The following KMT2C variants were observed in gnomAD, a reference collection of about 807,000 sequenced individuals.
The protein encoded by KMT2C is lysine methyltransferase 2C.
KMT2C carries 88 observed loss-of-function variants against 507.9 expected under a neutral mutation model. The ratio of observed to expected loss-of-function variants is 0.17; its 90% confidence interval spans 0.15 to 0.21. KMT2C has a LOEUF of 0.21. Ranked by LOEUF, KMT2C falls within the 10% of genes least tolerant of loss-of-function variation. KMT2C has a pLI of 1.00. For missense variants in KMT2C, 4,954 were observed against 5,957.8 expected, an observed-to-expected ratio of 0.83 and a Z score of 5.55; for synonymous variants, 2,049 against 2,080.8, an observed-to-expected ratio of 0.98 and a Z score of 0.42.
chr7:152,144,141 A>C lies in KMT2C; in HGVS notation c.14343+572T>G, dbSNP rs1316486059. ...AGTTTGACAAAGTAAGAGCTTTGTA[A>C]TTCCATTCTGAGACATCCAAGGAGA... On this transcript the variant is annotated intron_variant, in intron 55 of 58. Transcript: ENST00000262189. This position sits in a 1 kb window ranked among gnomAD's most constrained non-coding sequence, Gnocchi z 4.4. 6.6e-6 allele frequency among the ~76,000 whole-genome samples: 1 copy of C among 152,200 alleles called. No individual in the cohort carries two copies. Among genetic ancestry groups the C allele is most frequent in the African/African-American group, 2.4e-5 (1 of 41,432 alleles).
intron 1 of KMT2C, among the ~76,000 whole-genome samples, chr7:152,431,976 G>T (rs752639810): frequency 6.6e-6 from 1 of 152,162 alleles, no homozygotes; most frequent in African/African-American, 2.4e-5. Flanking sequence ...TTTGTTGGGG[G>T]AAGGGCGTTA....
chr7:152,333,433 C>G lies in KMT2C; in HGVS notation c.251-2694G>C, dbSNP rs540757345. 1.5e-4 allele frequency among the ~76,000 whole-genome samples: 23 copies of G among 152,254 alleles called. 2 individuals carry two copies. In the South Asian group the frequency reaches 4.8e-3, roughly 32 times the overall value. ...TGAGTCACTACTCCCAGCCTATAAG[C>G]TCCTCTTTGAAGAACTTATTATCCA... On this transcript the variant is annotated intron_variant, in intron 2 of 58. Transcript: ENST00000262189.
At chr7:152,150,156 T>A (rs1402444672) in intron 51 of KMT2C, among the ~76,000 whole-genome samples, 1 of 152,198 alleles carries the variant, frequency 6.6e-6, no homozygotes, top group Non-Finnish European at 1.5e-5. Flanking sequence ...ATCATTTGTA[T>A]CAACCATTAG....
chr7:152,361,557 C>A (rs1287578224), intron 1 of KMT2C, among the ~76,000 whole-genome samples: 1 of 151,252 alleles, frequency 6.6e-6, no homozygotes, highest in Admixed American at 6.6e-5. Flanking sequence ...GAGAGAAACT[C>A]CGTCTCAAAA....
intron 1 of KMT2C, among the ~76,000 whole-genome samples, chr7:152,435,319 G>A (rs1263294015): frequency 6.6e-6 from 1 of 152,040 alleles, no homozygotes; most frequent in African/African-American, 2.4e-5. Context: ...ACGCGGCTAC[G>A]AGAAATTTCT....
At chr7:152,271,742 C>G (rs1370417279) in intron 7 of KMT2C, among the ~76,000 whole-genome samples, 1 of 150,992 alleles carries the variant, frequency 6.6e-6, no homozygotes, top group Non-Finnish European at 1.5e-5. Flanking sequence ...TTTTACACCA[C>G]CGACTTAGTT....
intron 1 of KMT2C, among the ~76,000 whole-genome samples, chr7:152,423,975 T>C (rs978195618): frequency 1.3e-5 from 2 of 152,222 alleles, no homozygotes; most frequent in Non-Finnish European, 2.9e-5. Context: ...TTAAATACTA[T>C]TTAAAGTCCT....
intron 1 of KMT2C, among the ~76,000 whole-genome samples, chr7:152,431,095 T>C (rs761223460): frequency 4.6e-5 from 7 of 152,086 alleles, no homozygotes; most frequent in Non-Finnish European, 1.0e-4. Context: ...AGTACGAAAA[T>C]GTAATAAATC....
chr7:152,237,697 C>CA (rs1265651845), intron 15 of KMT2C, among the ~76,000 whole-genome samples: 1 of 152,108 alleles, frequency 6.6e-6, no homozygotes, highest in Non-Finnish European at 1.5e-5. Context: ...GACAGGGTTT[C>CA]ACCATGTTGG....
Position 152,311,835 on chromosome 7 carries a change from T to A in KMT2C, c.702A>T (p.Pro234=). The A allele has an allele frequency of 6.2e-7, 1 of 1,611,472 alleles. No individual in the cohort carries two copies. The highest frequency in any genetic ancestry group is 8.5e-7 in the Non-Finnish European group (1 of 1,178,058). ...LWDELSLVGL[P]DAIDIQALFD... Reference sequence around the variant, plus strand: ...ATAAGGCTTGGATATCAATGGCATCTGGAAGCCCAACCAGACTGAGTTCAT... The same window carrying A: ...ATAAGGCTTGGATATCAATGGCATCAGGAAGCCCAACCAGACTGAGTTCAT... The change falls in exon 5 of 59, where the codon CCA becomes CCT. Residue 234 remains proline (P), a synonymous_variant. Transcript: ENST00000262189.
chr7:152,414,672 T>C (rs1413592354), intron 1 of KMT2C, among the ~76,000 whole-genome samples: 1 of 152,010 alleles, frequency 6.6e-6, no homozygotes, highest in Non-Finnish European at 1.5e-5. Context: ...ATTTTTGTAT[T>C]TTTAGTAGGG....
At position 152,252,185 on chromosome 7, in the gene KMT2C, GTTAA is replaced by G. The variant is rs549185781; in HGVS notation, c.1470-99_1470-96del. On this transcript the variant is annotated intron_variant, in intron 10 of 58. Coordinates refer to ENST00000262189, the MANE Select transcript of KMT2C (RefSeq NM_170606.3). ...TGCTGAAAAGCTGGATATGAAAACA[GTTAA>G]TTAAGTATGAGAGGAGAGAGGTTAG... The G allele has an allele frequency of 2.6e-3, 2,245 of 876,096 alleles. 6 individuals are homozygous for G. The highest frequency in any genetic ancestry group is 3.3e-3 in the Non-Finnish European group (1,949 of 596,194). The allele number at this position is 876,096 out of a possible 1,614,324, so 54.3% of individuals were successfully genotyped here.
Position 152,410,591 on chromosome 7 carries a change from T to A in KMT2C, c.161+25035A>T, listed in dbSNP as rs563436790. On this transcript the variant is annotated intron_variant, in intron 1 of 58. Transcript: ENST00000262189. ...AGACTCCATCTCAAATAAAATAAAA[T>A]TTTTTTTAAGTTTTAATTTATATAT... 1.9e-4 allele frequency among the ~76,000 whole-genome samples: 27 copies of A among 144,524 alleles called. No homozygotes were observed. In the East Asian group the frequency reaches 3.0e-3, roughly 16 times the overall value. The allele number at this position is 144,524 out of a possible 152,430, so 94.8% of individuals were successfully genotyped here.
rs751038972 is a variant in KMT2C at position 152,157,941 on chromosome 7, T to G, written c.11670+922A>C. The G allele has an allele frequency of 6.1e-6, 8 of 1,309,496 alleles. No homozygotes were observed. The African/African-American group carries it at 1.2e-4, about 20-fold the overall frequency. 81.1% of individuals were successfully genotyped at this position (1,309,496 alleles called of 1,614,324 possible). ...GAGAGAGCTGCTATTAAAAAACACA[T>G]TTAAGAGTAATGTACATGATAAAAG... On this transcript the variant is annotated intron_variant, in intron 44 of 58. Transcript: ENST00000262189.
chr7:152,219,267 G>T (rs568423264), intron 23 of KMT2C, among the ~76,000 whole-genome samples: 1 of 148,946 alleles, frequency 6.7e-6, no homozygotes, highest in South Asian at 2.1e-4. Context: ...ACTGCGCCTG[G>T]CCAGGCAATT....
chr7:152,247,734 A>C (rs372878763), intron 14 of KMT2C, among the ~76,000 whole-genome samples, 168 bp downstream of exon 14: 1 of 144,738 alleles, frequency 6.9e-6, no homozygotes, highest in Non-Finnish European at 1.5e-5. Flanking sequence ...GGCATTCTTC[A>C]TTAACAGCAT....
At chr7:152,368,654 T>C (rs534063256) in intron 1 of KMT2C, 5 of 1,452,462 alleles carry the variant, frequency 3.4e-6, no homozygotes, top group Non-Finnish European at 4.8e-6. Context: ...AAAGGGAAGA[T>C]CTTTTAAACT....
chr7:152,346,417 CG>C (rs2097058061), intron 2 of KMT2C, among the ~76,000 whole-genome samples: 1 of 152,180 alleles, frequency 6.6e-6, no homozygotes, highest in Non-Finnish European at 1.5e-5. Flanking sequence ...AACTAGAATT[CG>C]GTAACAGAAA....
chr7:152,216,367 T>G (rs1441782474), intron 23 of KMT2C, among the ~76,000 whole-genome samples: 1 of 152,172 alleles, frequency 6.6e-6, no homozygotes, highest in Non-Finnish European at 1.5e-5. Context: ...TTAGAAGAGT[T>G]AAAAATAAAT....
Sources: gnomAD v4.1 joint callset for allele counts (sites outside exome capture counted in the v4.1 genomes callset) on GRCh38, gnomAD v4.1.1 for gene constraint, Gnocchi (gnomAD v3.1) non-coding constraint, MANE v1.5 for transcripts, NCBI Gene and HGNC (gene_info 2026-07-23, HGNC 2026-07-21) for gene names.